Variants in PTPN12 observed in about 807,000 individuals in gnomAD.
PTPN12 encodes tyrosine-protein phosphatase non-receptor type 12.
In PTPN12, 29 loss-of-function variants were observed where a neutral mutation model predicts 97.6. The ratio of observed to expected loss-of-function variants is 0.30; its 90% CI spans 0.22 to 0.41. PTPN12 has a LOEUF of 0.41. Ranked by LOEUF, PTPN12 falls within the 10% of genes least tolerant of loss-of-function variation. The probability of loss-of-function intolerance (pLI) is 1.00; values close to 1 mark genes in which losing one functional copy is unlikely to be tolerated. For missense variants in PTPN12, 819 were observed against 926.0 expected (o/e 0.88, Z 1.50); for synonymous variants, 327 against 300.4 (o/e 1.09, Z -0.91).
Position 77,600,664 on chromosome 7 carries a change from G to C in PTPN12, c.553G>C (p.Glu185Gln). The part of the protein sequence containing the change: ...IRTLLLEFQN[E>Q]SRRLYQFHYV... The stretch of plus-strand genomic sequence containing the variant: ...TGTTGACTTTCTGTTTTTCTTGAAG[G>C]AATCTCGTAGGCTGTATCAGTTTCA... The change falls in exon 8 of 18, where the codon GAA becomes CAA. Residue 185 changes from glutamate (E) to glutamine (Q), a missense_variant and splice_region_variant. By Grantham distance (29) the Glu-to-Gln change is conservative. Transcript: ENST00000248594. The C allele has an allele frequency of 6.3e-7, 1 of 1,577,806 alleles. No individual in the cohort carries two copies. Among genetic ancestry groups the C allele is most frequent in the South Asian group, 1.2e-5 (1 of 84,336 alleles).
In PTPN12 at chr7:77,625,472, G is replaced by GCGCTCTCTCTCTCTCT. The variant is rs1554326597; in HGVS notation, c.1026-1232_1026-1231insGCTCTCTCTCTCTCTC. Among the ~76,000 whole-genome samples the GCGCTCTCTCTCTCTCT allele has an allele frequency of 2.1e-4, 7 of 33,522 alleles. 1 individual carries two copies. Among genetic ancestry groups the GCGCTCTCTCTCTCTCT allele is most frequent in the Non-Finnish European group, 3.0e-4 (6 of 20,030 alleles). The allele number at this position is 33,522 out of a possible 152,430, so 22.0% of individuals were successfully genotyped here. A position where few individuals can be genotyped will look rare whatever the true frequency, so the allele number is the denominator to read the frequency against. On this transcript the variant is annotated intron_variant, in intron 12 of 17. Coordinates refer to ENST00000248594, the MANE Select transcript of PTPN12 (RefSeq NM_002835.4). ...TTTTGCCATATTGCCCAGGCTGCTC[G>GCGCTCTCTCTCTCTCT]CTCTCTCTCTCTCTCTCTCTCTCTC...
At chr7:77,537,712 C>T (rs894051047) in intron 1 of PTPN12, 67 bp downstream of exon 1, 14 of 1,498,300 alleles carry the variant, frequency 9.3e-6, no homozygotes, top group East Asian at 2.7e-5. Context: ...CTCTCCCGGC[C>T]GGGCCGCCAG....
intron 1 of PTPN12, among the ~76,000 whole-genome samples, chr7:77,553,043 G>T (rs982449660): frequency 1.3e-5 from 2 of 152,176 alleles, no homozygotes; most frequent in Non-Finnish European, 2.9e-5. Flanking sequence ...GAAAGAATGT[G>T]TATAGTATAT....
intron 1 of PTPN12, among the ~76,000 whole-genome samples, chr7:77,558,232 A>C (rs1807815791): frequency 1.3e-5 from 2 of 151,730 alleles, no homozygotes; most frequent in South Asian, 4.1e-4. Flanking sequence ...AAAAAAGAAA[A>C]AGAAAAAAGA....
At chr7:77,543,144 G>A (rs1251672839) in intron 1 of PTPN12, among the ~76,000 whole-genome samples, 1 of 152,170 alleles carries the variant, frequency 6.6e-6, no homozygotes, top group Non-Finnish European at 1.5e-5. Context: ...GTAAGGTGAG[G>A]TTGAGAAAGT....
intron 1 of PTPN12, among the ~76,000 whole-genome samples, chr7:77,545,175 T>G (rs1412707774): frequency 6.6e-6 from 1 of 152,130 alleles, no homozygotes; most frequent in Non-Finnish European, 1.5e-5. Context: ...AATCAAGATA[T>G]CATGTCATCG....
chr7:77,619,190 T>C (rs1447614991), intron 12 of PTPN12, among the ~76,000 whole-genome samples: 3 of 152,144 alleles, frequency 2.0e-5, no homozygotes, highest in African/African-American at 7.2e-5. Flanking sequence ...GTTTAAATAT[T>C]GTCCTAAGGA....
chr7:77,605,410 T>G (rs10239482), intron 8 of PTPN12, among the ~76,000 whole-genome samples: 6,909 of 23,008 alleles, frequency 0.3, 1,137 homozygotes, highest in East Asian at 0.57. Context: ...TTGTCATGAG[T>G]TTTTTTTTTT....
intron 1 of PTPN12, among the ~76,000 whole-genome samples, chr7:77,540,034 CCTGGTCATTT>C (rs2151292117): frequency 6.6e-6 from 1 of 151,734 alleles, no homozygotes; most frequent in East Asian, 1.9e-4. Context: ...TGGTGTGGTC[CCTGGTCATTT>C]CTTGTTTGCA....
intron 17 of PTPN12, chr7:77,638,933 A>G: frequency 1.0e-6 from 1 of 953,052 alleles, no homozygotes. Context: ...GCAGTATAAA[A>G]AATCTTTTGT....
chr7:77,575,353 ACT>A (rs1478977433), intron 2 of PTPN12, among the ~76,000 whole-genome samples: 1 of 150,906 alleles, frequency 6.6e-6, no homozygotes, highest in Non-Finnish European at 1.5e-5. Context: ...ACACACACAT[ACT>A]CTCTCTTTCT....
chr7:77,542,048 T>TGG (rs1807003361), intron 1 of PTPN12, among the ~76,000 whole-genome samples: 1 of 152,138 alleles, frequency 6.6e-6, no homozygotes, highest in East Asian at 1.9e-4. Flanking sequence ...GGCTGGGGGT[T>TGG]GGGGAGGTGG....
rs184959183 is a variant in PTPN12 at position 77,561,433 on chromosome 7, G to A, written c.100-9645G>A. On this transcript the variant is annotated intron_variant, in intron 1 of 17. Coordinates refer to ENST00000248594, the MANE Select transcript of PTPN12 (RefSeq NM_002835.4). ...TAAAGGGAAAAATGAAATTTTCAGA[G>A]GGTGTAGGAGTTAGTGGTTCACCAG... Among the ~76,000 whole-genome samples the A allele has an allele frequency of 2.6e-4, 39 of 152,324 alleles. No homozygotes were observed. The East Asian group carries it at 5.4e-3, about 21-fold the overall frequency.
chr7:77,577,039 A>G (rs567534695), intron 2 of PTPN12, among the ~76,000 whole-genome samples: 2 of 152,280 alleles, frequency 1.3e-5, no homozygotes, highest in African/African-American at 4.8e-5. Context: ...TGGGGTGGAT[A>G]TACACTCATT....
At chr7:77,593,446 G>T (rs994098075) in intron 6 of PTPN12, among the ~76,000 whole-genome samples, 2 of 152,196 alleles carry the variant, frequency 1.3e-5, no homozygotes, top group African/African-American at 4.8e-5. Flanking sequence ...AATCTGCAGG[G>T]TAGGCTGGAG....
intron 9 of PTPN12, among the ~76,000 whole-genome samples, chr7:77,610,439 C>G (rs1381263709): frequency 6.6e-6 from 1 of 152,130 alleles, no homozygotes; most frequent in Non-Finnish European, 1.5e-5. Context: ...TGTATATTTC[C>G]TTCACTTTTT....
intron 1 of PTPN12, among the ~76,000 whole-genome samples, chr7:77,570,572 G>A (rs1280527123): frequency 1.3e-5 from 2 of 152,206 alleles, no homozygotes; most frequent in Non-Finnish European, 2.9e-5. Flanking sequence ...CAGTGAATAA[G>A]CAGAATTGGT....
In PTPN12 at chr7:77,637,297, T is replaced by C. The variant is rs532363959; in HGVS notation, c.2173+249T>C. Among the ~76,000 whole-genome samples, 7 of 152,224 alleles carry C rather than the reference T, an allele frequency of 4.6e-5. No homozygotes were observed. In the South Asian group the frequency reaches 1.5e-3, roughly 32 times the overall value. On this transcript the variant is annotated intron_variant, in intron 16 of 17. Coordinates refer to ENST00000248594, the MANE Select transcript of PTPN12 (RefSeq NM_002835.4). The stretch of plus-strand genomic sequence containing the variant: ...TAATTACAGGCTAATGGGAAAGAGA[T>C]TTTTTAAAAATATTTTTCTGTTTTT...
At chr7:77,554,695 G>A (rs573949283) in intron 1 of PTPN12, among the ~76,000 whole-genome samples, 89 of 152,140 alleles carry the variant, frequency 5.8e-4, no homozygotes, top group Non-Finnish European at 9.4e-4. Context: ...CTTTTCTGGG[G>A]GACAGGGTCT....
Sources: allele counts gnomAD v4.1 joint callset (sites outside exome capture counted in the v4.1 genomes callset), GRCh38; gene constraint gnomAD v4.1.1; transcripts MANE v1.5; gene names NCBI Gene and HGNC (gene_info 2026-07-23, HGNC 2026-07-21).